Variants in PHF21A observed in about 807,000 individuals in gnomAD.
The protein encoded by PHF21A is BHC80a.
A neutral mutation model predicts 82.5 loss-of-function variants in PHF21A; 11 were observed. That is an observed-to-expected ratio of 0.13 (90% CI 0.08 to 0.22). The LOEUF (loss-of-function observed/expected upper bound fraction) is 0.22, where lower values mean the gene tolerates loss of function less well. Ranked by LOEUF, PHF21A falls within the 10% of genes least tolerant of loss-of-function variation. The pLI is 1.00. For synonymous variants in PHF21A, 297 were observed against 302.8 expected (o/e 0.98, Z 0.20); for missense variants, 579 against 837.8 (o/e 0.69, Z 3.81).
At chr11:45,970,202 T>C (rs1356059399) in intron 8 of PHF21A, 6 of 305,068 alleles carry the variant, frequency 2.0e-5, no homozygotes, top group Non-Finnish European at 3.7e-5. Context: ...TGCATTAACA[T>C]ATTTTAAAAG....
chr11:46,057,167 G>A (rs1470373993), intron 6 of PHF21A, among the ~76,000 whole-genome samples: 1 of 152,124 alleles, frequency 6.6e-6, no homozygotes, highest in African/African-American at 2.4e-5. Context: ...TTTTTACTGG[G>A]TCATGTCCAG....
chr11:45,935,546 C>T, intron 18 of PHF21A, 90 bp downstream of exon 18: 2 of 796,768 alleles, frequency 2.5e-6, no homozygotes, highest in East Asian at 2.4e-5. Context: ...CCCGAAACAG[C>T]CTGGGGCCCA....
intron 6 of PHF21A, 36 bp from the exon 7 acceptor site, chr11:45,980,002 A>G: frequency 1.2e-6 from 2 of 1,613,194 alleles, no homozygotes; most frequent in South Asian, 1.1e-5. Context: ...AAAAGATATT[A>G]GAATACTGCT....
intron 9 of PHF21A, among the ~76,000 whole-genome samples, chr11:45,965,890 A>G (rs2093406486): frequency 6.6e-6 from 1 of 152,082 alleles, no homozygotes; most frequent in Non-Finnish European, 1.5e-5. Flanking sequence ...CCTAATCCAG[A>G]GACTGGTCCC....
At chr11:46,049,383 C>T in intron 6 of PHF21A, 1 of 452,804 alleles carries the variant, frequency 2.2e-6, no homozygotes, top group Non-Finnish European at 4.4e-6. Flanking sequence ...TAGGTTGAAC[C>T]CGGCCCAAAT....
intron 15 of PHF21A, among the ~76,000 whole-genome samples, chr11:45,943,653 T>C (rs1475581063): frequency 6.6e-6 from 1 of 152,226 alleles, no homozygotes; most frequent in Non-Finnish European, 1.5e-5. Context: ...GCAAGAATCA[T>C]TAAAGGATGC....
Position 45,933,702 on chromosome 11 carries a change from T to A in PHF21A, c.*266A>T, listed in dbSNP as rs938984193. The A allele has an allele frequency of 8.4e-6, 3 of 358,764 alleles. No homozygotes were observed. The highest frequency in any genetic ancestry group is 1.5e-5 in the Non-Finnish European group (3 of 201,400). 22.2% of individuals were successfully genotyped at this position (358,764 alleles called of 1,614,324 possible). ...TGTATAATAGAGAGAGTAAATATAT[T>A]ATTTCACTTGGCATGGTGCTGGCAA... On this transcript the variant is annotated 3_prime_UTR_variant, in exon 19 of 19. Coordinates refer to ENST00000676320, the MANE Select transcript of PHF21A (RefSeq NM_001352027.3).
At chr11:45,944,694 C>T (rs2091013872) in intron 15 of PHF21A, among the ~76,000 whole-genome samples, 1 of 152,244 alleles carries the variant, frequency 6.6e-6, no homozygotes, top group Non-Finnish European at 1.5e-5. Flanking sequence ...CCCCCAGATC[C>T]TCCCGAGGCT....
chr11:45,958,449 T>TATATATACACACAC lies in PHF21A; in HGVS notation c.997-4825_997-4824insGTGTGTGTATATAT, dbSNP rs780397923. The stretch of plus-strand genomic sequence containing the variant: ...ATATATATATATATATATATATATA[T>TATATATACACACAC]ACACACACACACACACACACATATA... On this transcript the variant is annotated intron_variant, in intron 10 of 18. Coordinates refer to ENST00000676320, the MANE Select transcript of PHF21A (RefSeq NM_001352027.3). 8.9e-3 allele frequency among the ~76,000 whole-genome samples: 134 copies of TATATATACACACAC among 15,032 alleles called. 3 individuals carry two copies. The highest frequency in any genetic ancestry group is 0.014 in the Non-Finnish European group (106 of 7,640). 9.9% of individuals were successfully genotyped at this position (15,032 alleles called of 152,430 possible).
At chr11:46,059,758 A>C (rs1022034018) in intron 6 of PHF21A, among the ~76,000 whole-genome samples, 22 of 151,640 alleles carry the variant, frequency 1.5e-4, no homozygotes, top group African/African-American at 5.1e-4. Flanking sequence ...ACAGAGTCTC[A>C]CTCTGTTGCC....
chr11:46,060,258 A>G (rs1319803853), intron 6 of PHF21A, among the ~76,000 whole-genome samples: 3 of 152,162 alleles, frequency 2.0e-5, no homozygotes, highest in African/African-American at 7.2e-5. Context: ...TCAGCCTACC[A>G]AAATGCTGAG....
At chr11:46,045,727 C>T (rs1008265011) in intron 6 of PHF21A, among the ~76,000 whole-genome samples, 1 of 152,148 alleles carries the variant, frequency 6.6e-6, no homozygotes, top group African/African-American at 2.4e-5. Flanking sequence ...CTCTAAAACA[C>T]GTAGGTTACT....
chr11:46,060,935 T>C (rs1035784979), intron 6 of PHF21A, among the ~76,000 whole-genome samples: 20 of 152,352 alleles, frequency 1.3e-4, no homozygotes, highest in African/African-American at 4.3e-4. Context: ...AGGGTTTTTA[T>C]AGTTTTGGGT....
chr11:46,054,589 T>C (rs759635538), intron 6 of PHF21A, among the ~76,000 whole-genome samples: 3 of 152,202 alleles, frequency 2.0e-5, no homozygotes, highest in Non-Finnish European at 4.4e-5. Context: ...ACCAGCAGTT[T>C]ACACGTAGAT....
intron 6 of PHF21A, among the ~76,000 whole-genome samples, chr11:46,013,839 A>G (rs1379412746): frequency 1.3e-5 from 2 of 152,196 alleles, no homozygotes; most frequent in African/African-American, 2.4e-5. Context: ...ATACACTACG[A>G]AAGATGAAAA....
At chr11:46,088,980 T>C (rs964547278) in intron 3 of PHF21A, among the ~76,000 whole-genome samples, 9 of 152,122 alleles carry the variant, frequency 5.9e-5, no homozygotes, top group Admixed American at 3.9e-4. Flanking sequence ...GACAGAAACC[T>C]TTTTCCAATC....
intron 1 of PHF21A, among the ~76,000 whole-genome samples, chr11:46,112,157 G>A (rs1302134481): frequency 6.6e-6 from 1 of 152,034 alleles, no homozygotes; most frequent in African/African-American, 2.4e-5. Flanking sequence ...AGTCCTTTTG[G>A]GGGCATACAT....
Position 45,940,344 on chromosome 11 carries a change from C to T in PHF21A, c.1453-2032G>A, listed in dbSNP as rs920100558. On this transcript the variant is annotated intron_variant, in intron 15 of 18. Transcript: ENST00000676320. ...CTGAGTAGCTGGGATTACAGGCGCC[C>T]ACCACCACGCCTGACTAACTTTTAT... Among the ~76,000 whole-genome samples, 87 of 151,996 alleles carry T rather than the reference C, an allele frequency of 5.7e-4. 2 individuals carry two copies. The highest frequency in any genetic ancestry group is 5.6e-3 in the Admixed American group (86 of 15,262).
rs555631576 is a variant in PHF21A, at chr11:45,933,239, C to G, written c.*729G>C. ...GATAACCACGGAGATGCGCGACTCA[C>G]CAAGCAGGGAAGGAAGGAGACTGGG... is the stretch of plus-strand genomic sequence containing the variant. On this transcript the variant is annotated 3_prime_UTR_variant, in exon 19 of 19. Transcript: ENST00000676320. The G allele has an allele frequency of 6.5e-6, 1 of 152,678 alleles. No homozygotes were observed. Among genetic ancestry groups the G allele is most frequent in the Non-Finnish European group, 1.5e-5 (1 of 68,036 alleles). The allele number at this position is 152,678 out of a possible 1,614,324, so 9.5% of individuals were successfully genotyped here. A position where few individuals can be genotyped will look rare whatever the true frequency, so the allele number is the denominator to read the frequency against.
Sources: gnomAD v4.1 joint callset for allele counts (sites outside exome capture counted in the v4.1 genomes callset) on GRCh38, gnomAD v4.1.1 for gene constraint, MANE v1.5 for transcripts, NCBI Gene and HGNC (gene_info 2026-07-23, HGNC 2026-07-21) for gene names.